Variants in PRR5L observed in about 807,000 individuals in gnomAD.
PRR5L encodes proline rich 5 like.
A neutral mutation model predicts 36.4 loss-of-function variants in PRR5L; 21 were observed. The ratio of observed to expected loss-of-function variants is 0.58; its 90% confidence interval spans 0.41 to 0.83. The LOEUF (loss-of-function observed/expected upper bound fraction) is 0.83, where lower values mean the gene tolerates loss of function less well. Among genes scored for constraint, PRR5L ranks in the 40% least tolerant of loss-of-function variants. The probability of loss-of-function intolerance (pLI) is 0.00; values close to 1 mark genes in which losing one functional copy is unlikely to be tolerated. For synonymous variants in PRR5L, 188 were observed against 197.0 expected (o/e 0.95, Z 0.38); for missense variants, 381 against 473.3 (o/e 0.80, Z 1.81).
chr11:36,443,829 T>C (rs1858772638), intron 6 of PRR5L, among the ~76,000 whole-genome samples: 1 of 152,204 alleles, frequency 6.6e-6, no homozygotes, highest in Non-Finnish European at 1.5e-5. Flanking sequence ...GCACAGCTCC[T>C]GAGAGTTGCC....
intron 1 of PRR5L, among the ~76,000 whole-genome samples, chr11:36,362,342 T>C (rs939627528): frequency 2.0e-5 from 3 of 151,902 alleles, no homozygotes; most frequent in Admixed American, 6.6e-5. Context: ...TGACGTGCCT[T>C]TTCCCCACTT....
intron 2 of PRR5L, 89 bp from the exon 3 acceptor site, chr11:36,403,209 T>C: frequency 9.3e-7 from 1 of 1,070,978 alleles, no homozygotes; most frequent in Non-Finnish European, 1.4e-6. Flanking sequence ...AGCTTCCTGG[T>C]CACTCCACAC....
chr11:36,401,019 T>C lies in PRR5L; in HGVS notation c.-103T>C. On this transcript the variant is annotated 5_prime_UTR_variant, in exon 2 of 9. Transcript: ENST00000530639. ...CAGGTGTTGGCTACGTTTGTGGTTT[T>C]AAGAAAGCCTGAGGGCCTGAAGGCA... is the stretch of plus-strand genomic sequence containing the variant. The C allele has an allele frequency of 6.7e-7, 1 of 1,499,366 alleles. No homozygotes were observed. The highest frequency in any genetic ancestry group is 8.9e-7 in the Non-Finnish European group (1 of 1,124,538). The allele number at this position is 1,499,366 out of a possible 1,614,324, so 92.9% of individuals were successfully genotyped here.
Position 36,401,048 on chromosome 11 carries a change from C to T in PRR5L, c.-74C>T. Reference sequence around the variant, plus strand: ...AAAGCCTGAGGGCCTGAAGGCAGCCCCTGGAGAAGCCCTTTCCGAGGGCAT... The same window carrying T: ...AAAGCCTGAGGGCCTGAAGGCAGCCTCTGGAGAAGCCCTTTCCGAGGGCAT... On this transcript the variant is annotated 5_prime_UTR_variant, in exon 2 of 9. Transcript: ENST00000530639. 5 of 1,567,300 alleles carry T rather than the reference C, an allele frequency of 3.2e-6. No individual in the cohort carries two copies. Among genetic ancestry groups the T allele is most frequent in the East Asian group, 4.5e-5 (2 of 44,002 alleles).
intron 1 of PRR5L, among the ~76,000 whole-genome samples, chr11:36,315,294 A>G (rs1251290684): frequency 1.3e-5 from 2 of 152,260 alleles, no homozygotes; most frequent in East Asian, 3.8e-4. Flanking sequence ...CATAGCTATT[A>G]TTATTAAAAG....
intron 1 of PRR5L, among the ~76,000 whole-genome samples, chr11:36,320,334 C>T (rs997705824): frequency 6.6e-6 from 1 of 150,792 alleles, no homozygotes; most frequent in Non-Finnish European, 1.5e-5. Flanking sequence ...ATCTCTGCCT[C>T]CCGGGTTCAA....
At chr11:36,337,650 G>A (rs2133477452) in intron 1 of PRR5L, among the ~76,000 whole-genome samples, 1 of 152,256 alleles carries the variant, frequency 6.6e-6, no homozygotes, top group Admixed American at 6.5e-5. Flanking sequence ...TGAGCTCTTA[G>A]CCTCCTTGCG....
intron 1 of PRR5L, among the ~76,000 whole-genome samples, chr11:36,322,247 T>C (rs920886654): frequency 6.6e-6 from 1 of 152,186 alleles, no homozygotes; most frequent in Admixed American, 6.5e-5. Flanking sequence ...CAGAAAATCT[T>C]CTGTGTGCCT....
At chr11:36,402,783 C>T (rs188017804) in intron 2 of PRR5L, among the ~76,000 whole-genome samples, 132 of 152,328 alleles carry the variant, frequency 8.7e-4, no homozygotes, top group Non-Finnish European at 1.5e-3. Context: ...ACTGCCGGTA[C>T]ACCTCACACG....
intron 3 of PRR5L, among the ~76,000 whole-genome samples, chr11:36,408,250 C>A (rs948379342): frequency 1.5e-4 from 23 of 151,596 alleles, no homozygotes; most frequent in Admixed American, 2.6e-4. Flanking sequence ...ACACTGCACT[C>A]CAGCCTGGGG....
intron 1 of PRR5L, among the ~76,000 whole-genome samples, chr11:36,390,810 C>G (rs781105807): frequency 5.3e-5 from 8 of 152,156 alleles, no homozygotes; most frequent in Non-Finnish European, 1.0e-4. Context: ...TGAGATAATA[C>G]ATGTCAAGTG....
intron 1 of PRR5L, among the ~76,000 whole-genome samples, chr11:36,373,502 A>T (rs959761349): frequency 2.6e-5 from 4 of 151,884 alleles, no homozygotes; most frequent in Admixed American, 6.6e-5. Context: ...TGGGAGGCTG[A>T]GGCAAAGGCT....
chr11:36,406,497 A>G (rs1857915230), intron 3 of PRR5L, among the ~76,000 whole-genome samples: 2 of 152,210 alleles, frequency 1.3e-5, no homozygotes, highest in Admixed American at 1.3e-4. Flanking sequence ...CCAGGCATTG[A>G]CGTGACCTGG....
chr11:36,319,766 C>T (rs748086891), intron 1 of PRR5L, among the ~76,000 whole-genome samples: 1 of 148,750 alleles, frequency 6.7e-6, no homozygotes, highest in Admixed American at 6.8e-5. Context: ...GTTATAGGTT[C>T]TTAGGTTGTG....
At chr11:36,384,796 C>T (rs987897929) in intron 1 of PRR5L, among the ~76,000 whole-genome samples, 1 of 151,484 alleles carries the variant, frequency 6.6e-6, no homozygotes, top group Non-Finnish European at 1.5e-5. Context: ...CCTCAGCCTC[C>T]TGAGTAGGTA....
chr11:36,331,216 A>G (rs906273437), intron 1 of PRR5L, among the ~76,000 whole-genome samples: 7 of 152,204 alleles, frequency 4.6e-5, no homozygotes, highest in African/African-American at 1.7e-4. Flanking sequence ...TTTATTTGAC[A>G]TGCTTCATAG....
At chr11:36,417,770 T>A (rs1858177271) in intron 3 of PRR5L, among the ~76,000 whole-genome samples, 1 of 152,240 alleles carries the variant, frequency 6.6e-6, no homozygotes, top group Non-Finnish European at 1.5e-5. Context: ...CTCCTGTTTA[T>A]CCTTCAGTGA....
At chr11:36,442,500 C>G (rs1858743164) in intron 6 of PRR5L, among the ~76,000 whole-genome samples, 1 of 152,128 alleles carries the variant, frequency 6.6e-6, no homozygotes, top group African/African-American at 2.4e-5. Context: ...TGCCACCATG[C>G]CAGTCTAATT....
intron 8 of PRR5L, among the ~76,000 whole-genome samples, chr11:36,458,977 T>G (rs998362886): frequency 1.3e-5 from 2 of 152,070 alleles, no homozygotes; most frequent in East Asian, 1.9e-4. Context: ...TGAAATGGTG[T>G]ATGTGACTGG....
Sources: gnomAD v4.1 joint callset for allele counts (sites outside exome capture counted in the v4.1 genomes callset) on GRCh38, gnomAD v4.1.1 for gene constraint, MANE v1.5 for transcripts, NCBI Gene and HGNC (gene_info 2026-07-23, HGNC 2026-07-21) for gene names.